The following NCOA1 variants were observed in gnomAD, a reference collection of about 807,000 sequenced individuals.
The protein encoded by NCOA1 is nuclear receptor coactivator 1, also known as Hin-2 protein.
A neutral mutation model predicts 150.9 loss-of-function variants in NCOA1; 35 were observed. The observed-to-expected ratio is 0.23, with a 90% CI of 0.18 to 0.31. NCOA1 has a LOEUF of 0.31. NCOA1 is among the 10% of genes least tolerant of loss of function. The pLI is 1.00. For synonymous variants in NCOA1, 590 were observed against 630.0 expected (o/e 0.94, Z 0.95); for missense variants, 1,491 against 1,749.3 (o/e 0.85, Z 2.63).
intron 11 of NCOA1, among the ~76,000 whole-genome samples, chr2:24,700,117 T>C (rs1162209620): frequency 2.0e-5 from 3 of 150,914 alleles, no homozygotes; most frequent in Non-Finnish European, 4.4e-5. Context: ...CACTCCAGCC[T>C]GGGCAACAAG....
intron 4 of NCOA1, among the ~76,000 whole-genome samples, chr2:24,656,205 A>G (rs1670943440): frequency 6.6e-6 from 1 of 152,164 alleles, no homozygotes; most frequent in Non-Finnish European, 1.5e-5. Flanking sequence ...ATACATGAGA[A>G]GGAAATAGGT....
intron 1 of NCOA1, among the ~76,000 whole-genome samples, chr2:24,535,054 A>C (rs1275586338): frequency 6.6e-6 from 1 of 152,068 alleles, no homozygotes; most frequent in Admixed American, 6.6e-5. Flanking sequence ...TGGGGTGTTA[A>C]AGTCTCCCAT....
chr2:24,763,537 CAAAAAAA>C (rs35265100), intron 22 of NCOA1, among the ~76,000 whole-genome samples: 8 of 80,902 alleles, frequency 9.9e-5, no homozygotes, highest in Non-Finnish European at 1.6e-4. Context: ...GACTCCATCT[CAAAAAAA>C]AAAAAAAAAA....
At chr2:24,644,639 C>T (rs56226804) in intron 4 of NCOA1, among the ~76,000 whole-genome samples, 1,653 of 151,918 alleles carry the variant, frequency 0.011, 10 homozygotes, top group African/African-American at 0.019. Context: ...CCAGTATATC[C>T]GTGAACATAC....
At chr2:24,765,896 CTTTTT>C (rs773857143) in intron 22 of NCOA1, among the ~76,000 whole-genome samples, 1 of 128,034 alleles carries the variant, frequency 7.8e-6, no homozygotes, top group Non-Finnish European at 1.6e-5. Context: ...CAATAATACA[CTTTTT>C]TTTTTTTTTT....
At chr2:24,620,603 G>A (rs1669098132) in intron 3 of NCOA1, among the ~76,000 whole-genome samples, 1 of 151,960 alleles carries the variant, frequency 6.6e-6, no homozygotes, top group Non-Finnish European at 1.5e-5. Flanking sequence ...GAGCGAAACT[G>A]GTCTCAAAAA....
Position 24,751,587 on chromosome 2 carries a change from G to GA in NCOA1, c.3707-382dup, listed in dbSNP as rs146081421. On this transcript the variant is annotated intron_variant, in intron 19 of 22. Coordinates refer to ENST00000348332, the MANE Select transcript of NCOA1 (RefSeq NM_003743.5). ...GACAGAGCAAGACTCCATCTCGGGGGAAAAAAAAAAAAAGTTTAATTTACT... is the reference window on the plus strand; with the variant it reads ...GACAGAGCAAGACTCCATCTCGGGGGAAAAAAAAAAAAAAGTTTAATTTACT... 7.7e-4 allele frequency among the ~76,000 whole-genome samples: 106 copies of GA among 138,056 alleles called. 1 individual carries two copies. Among genetic ancestry groups the GA allele is most frequent in the African/African-American group, 9.3e-4 (35 of 37,470 alleles). 90.6% of individuals were successfully genotyped at this position (138,056 alleles called of 152,430 possible).
chr2:24,740,863 C>A (rs770093318), intron 18 of NCOA1, among the ~76,000 whole-genome samples: 1 of 152,126 alleles, frequency 6.6e-6, no homozygotes, highest in Non-Finnish European at 1.5e-5. Flanking sequence ...ATGCTTTAAC[C>A]AGATTCTCAA....
intron 22 of NCOA1, among the ~76,000 whole-genome samples, chr2:24,764,253 C>T (rs749032873): frequency 2.0e-5 from 3 of 152,174 alleles, no homozygotes; most frequent in South Asian, 2.1e-4. Context: ...GTCTTTCTAC[C>T]GCCAGAGTCC....
At chr2:24,744,707 A>G (rs1489443476) in intron 19 of NCOA1, among the ~76,000 whole-genome samples, 1 of 152,218 alleles carries the variant, frequency 6.6e-6, no homozygotes, top group Non-Finnish European at 1.5e-5. Flanking sequence ...ATGTGTTCCA[A>G]CATGTTTCCA....
At position 24,496,081 on chromosome 2, in the gene NCOA1, T is replaced by C. The variant is rs140415864; in HGVS notation, c.-396+4479T>C. ...GACTCTGTGGGCCTGAGTTTCTTTA[T>C]CATTAAATGAGCATGTTGGTCTAAT... On this transcript the variant is annotated intron_variant, in intron 1 of 22. Transcript: ENST00000348332. 6.2e-3 allele frequency among the ~76,000 whole-genome samples: 949 copies of C among 152,342 alleles called. 13 individuals carry two copies. The highest frequency in any genetic ancestry group is 0.021 in the African/African-American group (870 of 41,574).
At chr2:24,584,171 A>G (rs938276795) in intron 2 of NCOA1, among the ~76,000 whole-genome samples, 60 of 152,272 alleles carry the variant, frequency 3.9e-4, no homozygotes, top group African/African-American at 1.4e-3. Flanking sequence ...TAGTTACTAA[A>G]TGTCAATTTT....
chr2:24,521,730 C>T (rs561510429), intron 1 of NCOA1, among the ~76,000 whole-genome samples: 3 of 152,212 alleles, frequency 2.0e-5, no homozygotes, highest in East Asian at 1.9e-4. Context: ...GACTTCATTT[C>T]CTCTGATGTA....
At chr2:24,513,378 A>G (rs1160951872) in intron 1 of NCOA1, among the ~76,000 whole-genome samples, 1 of 152,180 alleles carries the variant, frequency 6.6e-6, no homozygotes, top group Non-Finnish European at 1.5e-5. Flanking sequence ...CTATACTGCA[A>G]TATGCTCTTG....
chr2:24,658,862 GCTTT>G lies in NCOA1; in HGVS notation c.89+101_89+104del, dbSNP rs1671060277. The G allele has an allele frequency of 2.7e-6, 3 of 1,111,782 alleles. No individual in the cohort carries two copies. In the East Asian group the frequency reaches 7.6e-5, roughly 28 times the overall value. The allele number at this position is 1,111,782 out of a possible 1,614,324, so 68.9% of individuals were successfully genotyped here. ...TGTTTAATCTACTCCAAGTTCAGTG[GCTTT>G]CTTTGAGTCTTTCATACTCACCATG... is the stretch of plus-strand genomic sequence containing the variant. On this transcript the variant is annotated intron_variant, in intron 5 of 22. Transcript: ENST00000348332.
At chr2:24,584,766 A>G (rs1343481546) in intron 3 of NCOA1, among the ~76,000 whole-genome samples, 2 of 111,232 alleles carry the variant, frequency 1.8e-5, no homozygotes, top group Admixed American at 1.7e-4. Context: ...ACAAACATTC[A>G]CACATGTTCA....
At chr2:24,491,760 C>T (rs1662969906) in intron 1 of NCOA1, among the ~76,000 whole-genome samples, 158 bp downstream of exon 1, 1 of 151,484 alleles carries the variant, frequency 6.6e-6, no homozygotes, top group African/African-American at 2.4e-5. Flanking sequence ...CCGAGTTCCC[C>T]TCGCGGCCCG....
intron 14 of NCOA1, among the ~76,000 whole-genome samples, chr2:24,718,248 A>T (rs1674158970): frequency 6.6e-6 from 1 of 152,202 alleles, no homozygotes; most frequent in Non-Finnish European, 1.5e-5. Flanking sequence ...TTAAAACTAC[A>T]GTGCAATACC....
chr2:24,644,554 AT>A (rs1670375481), intron 4 of NCOA1, among the ~76,000 whole-genome samples: 2 of 152,198 alleles, frequency 1.3e-5, no homozygotes, highest in South Asian at 4.1e-4. Context: ...TACCTATGTA[AT>A]TTATGTGTAT....
Sources: gnomAD v4.1 joint callset for allele counts (sites outside exome capture counted in the v4.1 genomes callset) on GRCh38, gnomAD v4.1.1 for gene constraint, MANE v1.5 for transcripts, NCBI Gene and HGNC (gene_info 2026-07-23, HGNC 2026-07-21) for gene names.